Variants in FDFT1 observed in about 807,000 individuals in gnomAD.
FDFT1 encodes the protein squalene synthase.
Under a neutral mutation model 46.8 loss-of-function variants are expected in FDFT1, and 68 were observed. The ratio of observed to expected loss-of-function variants is 1.45; its 90% CI spans 1.19 to 1.78. The LOEUF is 1.78. Ranked by LOEUF, FDFT1 falls within the 40% of genes most tolerant of loss-of-function variation. FDFT1 has a pLI of 0.00. For synonymous variants in FDFT1, 351 were observed against 185.1 expected (o/e 1.90, Z -7.28); for missense variants, 928 against 524.4 (o/e 1.77, Z -7.52).
intron 1 of FDFT1, chr8:11,803,271 T>G: frequency 7.5e-7 from 1 of 1,338,808 alleles, no homozygotes; most frequent in Non-Finnish European, 9.8e-7. Flanking sequence ...GTGGGTGGGT[T>G]ACGCGGGAGA....
intron 7 of FDFT1, among the ~76,000 whole-genome samples, chr8:11,832,766 CTGTGATCCTCAGG>C: frequency 6.6e-6 from 1 of 151,944 alleles, no homozygotes; most frequent in East Asian, 1.9e-4. Context: ...CAGGATGATG[CTGTGATCCTCAGG>C]TGTGATCCTG....
Position 11,809,722 on chromosome 8 carries a change from G to T in FDFT1, c.253G>T (p.Asp85Tyr). The change falls in exon 3 of 8, where the codon GAC (aspartate) becomes TAC (tyrosine). Residue 85 changes from aspartate to tyrosine, a missense_variant. Transcript: ENST00000220584. ...CCGAGCTCTGGACACACTGGAAGAT[G>T]ACATGACCATCAGTGTGGAAAAGAA... Reference protein sequence around the residue: ...VLRALDTLEDDMTISVEKKVP... With the variant: ...VLRALDTLEDYMTISVEKKVP... 6.2e-7 allele frequency: 1 copy of T among 1,614,144 alleles called. No individual in the cohort carries two copies. Among genetic ancestry groups the T allele is most frequent in the Non-Finnish European group, 8.5e-7 (1 of 1,179,988 alleles).
intron 3 of FDFT1, among the ~76,000 whole-genome samples, chr8:11,815,069 C>G (rs771948936): frequency 6.6e-6 from 1 of 152,062 alleles, no homozygotes; most frequent in Non-Finnish European, 1.5e-5. Flanking sequence ...CTCCTTGTGT[C>G]CATGTGTTCT....
intron 3 of FDFT1, among the ~76,000 whole-genome samples, chr8:11,817,447 C>T (rs1046312670): frequency 2.0e-5 from 3 of 152,184 alleles, no homozygotes; most frequent in Admixed American, 6.5e-5. Context: ...ATGGTACCAG[C>T]TCCTCTTTGT....
At chr8:11,822,601 C>T (rs1321926471) in intron 4 of FDFT1, among the ~76,000 whole-genome samples, 2 of 152,058 alleles carry the variant, frequency 1.3e-5, no homozygotes, top group South Asian at 4.1e-4. Flanking sequence ...ATCATTTGAG[C>T]CCAGGAGTTA....
intron 3 of FDFT1, among the ~76,000 whole-genome samples, chr8:11,816,794 A>G (rs1202024281): frequency 6.6e-6 from 1 of 152,218 alleles, no homozygotes; most frequent in African/African-American, 2.4e-5. Context: ...TTTTCTAAAT[A>G]TACAATCATG....
Position 11,802,819 on chromosome 8 carries a change from C to A in FDFT1, c.-14C>A, listed in dbSNP as rs758652076. Reference sequence around the variant, plus strand: ...GGTGAGAGTCGCGCCCGGGAGTCCGCCGCCTGCGCCAGGATGGAGTTCGTG... The same window carrying A: ...GGTGAGAGTCGCGCCCGGGAGTCCGACGCCTGCGCCAGGATGGAGTTCGTG... On this transcript the variant is annotated 5_prime_UTR_variant, in exon 1 of 8. Transcript: ENST00000220584. 3.1e-5 allele frequency: 49 copies of A among 1,599,936 alleles called. No individual in the cohort carries two copies. The South Asian group carries it at 5.4e-4, about 18-fold the overall frequency.
In FDFT1 at chr8:11,818,692, T is replaced by C. The variant is rs191172273; in HGVS notation, c.382-3058T>C. Among the ~76,000 whole-genome samples the C allele has an allele frequency of 7.4e-4, 112 of 152,288 alleles. No homozygotes were observed. The East Asian group carries it at 9.7e-3, about 13-fold the overall frequency. ...GAGACTAGGATTGCATTCCCTGCTT[T>C]TTTTTTTCGCTTGGTAGATCTTCCT... On this transcript the variant is annotated intron_variant, in intron 3 of 7. Coordinates refer to ENST00000220584, the MANE Select transcript of FDFT1 (RefSeq NM_004462.5).
intron 3 of FDFT1, 36 bp downstream of exon 3, chr8:11,809,886 G>C: frequency 6.5e-7 from 1 of 1,542,468 alleles, no homozygotes; most frequent in Non-Finnish European, 8.9e-7. Context: ...ACGGACTGTT[G>C]TGTTCATAAT....
At chr8:11,818,434 T>C (rs921333900) in intron 3 of FDFT1, among the ~76,000 whole-genome samples, 5 of 152,218 alleles carry the variant, frequency 3.3e-5, no homozygotes, top group Non-Finnish European at 7.3e-5. Context: ...TTTTGTCTTG[T>C]TGATCTATCT....
intron 5 of FDFT1, among the ~76,000 whole-genome samples, chr8:11,828,978 T>A (rs2645414): frequency 6.6e-6 from 1 of 152,182 alleles, no homozygotes; most frequent in Non-Finnish European, 1.5e-5. Flanking sequence ...TGCATATAAG[T>A]TTTTGTGTAG....
At chr8:11,833,726 C>T (rs1443659395) in intron 7 of FDFT1, among the ~76,000 whole-genome samples, 9 of 152,190 alleles carry the variant, frequency 5.9e-5, no homozygotes, top group South Asian at 2.1e-4. Flanking sequence ...TGCAATGTGA[C>T]GGCCGAGTTG....
chr8:11,819,785 C>T (rs1013239346), intron 3 of FDFT1, among the ~76,000 whole-genome samples: 1 of 152,068 alleles, frequency 6.6e-6, no homozygotes, highest in African/African-American at 2.4e-5. Flanking sequence ...TGCGATCGGT[C>T]AGAACGTGCT....
chr8:11,833,244 A>G (rs557087000), intron 7 of FDFT1, among the ~76,000 whole-genome samples: 115 of 152,294 alleles, frequency 7.6e-4, no homozygotes, highest in African/African-American at 2.7e-3. Flanking sequence ...TGGGGTAGTG[A>G]CCAAGTAGGT....
At chr8:11,823,626 A>C (rs549309590) in intron 4 of FDFT1, among the ~76,000 whole-genome samples, 1 of 151,942 alleles carries the variant, frequency 6.6e-6, no homozygotes, top group Middle Eastern at 3.2e-3. Context: ...CCAGACTGGA[A>C]TGCAGTGGCA....
chr8:11,801,613 C>G (rs1346676563), upstream of FDFT1: 5 of 209,808 alleles, frequency 2.4e-5, no homozygotes, highest in Admixed American at 5.3e-5. Flanking sequence ...AGCCACCGCG[C>G]TCGGCTAGAC....
chr8:11,823,378 T>TAGA (rs2130822809), intron 4 of FDFT1, among the ~76,000 whole-genome samples: 1 of 152,362 alleles, frequency 6.6e-6, no homozygotes, highest in East Asian at 1.9e-4. Flanking sequence ...ATAGATATAC[T>TAGA]AATTTTTTTT....
At chr8:11,816,714 G>A (rs528342589) in intron 3 of FDFT1, among the ~76,000 whole-genome samples, 1 of 152,270 alleles carries the variant, frequency 6.6e-6, no homozygotes, top group Admixed American at 6.5e-5. Context: ...TTTGCACATT[G>A]ATTTTGTATC....
upstream of FDFT1, among the ~76,000 whole-genome samples, chr8:11,800,875 C>T (rs1034376900): frequency 1.3e-5 from 2 of 152,178 alleles, no homozygotes; most frequent in African/African-American, 4.8e-5. Context: ...TAAGATTTTT[C>T]TGGGGTTCCC....
Sources: gnomAD v4.1 joint callset for allele counts (sites outside exome capture counted in the v4.1 genomes callset) on GRCh38, gnomAD v4.1.1 for gene constraint, MANE v1.5 for transcripts, NCBI Gene and HGNC (gene_info 2026-07-23, HGNC 2026-07-21) for gene names.